The following CTXND2 variants were observed in gnomAD, a reference collection of about 807,000 sequenced individuals.
CTXND2 encodes the protein cortexin domain containing 2.
At chr1:150,891,493 G>A (rs587727366) in intron 1 of CTXND2, among the ~76,000 whole-genome samples, 111 of 152,252 alleles carry the variant, frequency 7.3e-4, no homozygotes, top group Non-Finnish European at 1.2e-3. Context: ...GATTACAGGC[G>A]TGAGCCACTG....
chr1:150,895,860 C>A (rs587709296), intron 1 of CTXND2, among the ~76,000 whole-genome samples: 1 of 152,292 alleles, frequency 6.6e-6, no homozygotes, highest in Admixed American at 6.5e-5. Context: ...GCAGCAGTAT[C>A]CAATGACAGT....
chr1:150,887,564 T>A (rs1050575294), intron 1 of CTXND2, among the ~76,000 whole-genome samples: 6 of 152,100 alleles, frequency 3.9e-5, no homozygotes, highest in African/African-American at 7.2e-5. Context: ...CCTTTTTCGT[T>A]AGAGCTTTTT....
At chr1:150,912,119 C>A (rs1234337541) in intron 1 of CTXND2, 123 bp from the exon 2 acceptor site, 6 of 384,386 alleles carry the variant, frequency 1.6e-5, no homozygotes, top group Non-Finnish European at 2.7e-5. Context: ...TTTGTAACTG[C>A]TTCTTAAGTA....
chr1:150,887,597 G>A (rs762498818), intron 1 of CTXND2, among the ~76,000 whole-genome samples: 1 of 152,090 alleles, frequency 6.6e-6, no homozygotes, highest in Non-Finnish European at 1.5e-5. Context: ...ACTTTCATCT[G>A]AGAAGGGATG....
chr1:150,909,856 C>T (rs930076606), intron 1 of CTXND2, among the ~76,000 whole-genome samples: 2 of 152,078 alleles, frequency 1.3e-5, no homozygotes, highest in African/African-American at 4.8e-5. Flanking sequence ...ATCTCCCTGA[C>T]CAACTAAAAT....
chr1:150,902,574 A>G (rs771246177), intron 1 of CTXND2, among the ~76,000 whole-genome samples: 58 of 151,990 alleles, frequency 3.8e-4, no homozygotes, highest in Non-Finnish European at 7.4e-4. Flanking sequence ...TTCATCACCT[A>G]TAGGAGGTAG....
intron 1 of CTXND2, among the ~76,000 whole-genome samples, chr1:150,910,680 C>T (rs1669239968): frequency 6.8e-6 from 1 of 147,364 alleles, no homozygotes; most frequent in Non-Finnish European, 1.5e-5. Context: ...CGCCCAGGCT[C>T]GAGTGCAGTA....
chr1:150,910,373 G>A (rs587722866), intron 1 of CTXND2, among the ~76,000 whole-genome samples: 3 of 151,804 alleles, frequency 2.0e-5, no homozygotes, highest in Non-Finnish European at 2.9e-5. Context: ...CAGGTGATCC[G>A]CCCTCCTCGG....
intron 1 of CTXND2, among the ~76,000 whole-genome samples, chr1:150,896,708 AG>A (rs1224206363): frequency 2.0e-5 from 3 of 152,168 alleles, no homozygotes; most frequent in Non-Finnish European, 4.4e-5. Context: ...CATTCAACAA[AG>A]TTTTACATAC....
At chr1:150,906,709 A>G (rs975064111) in intron 1 of CTXND2, among the ~76,000 whole-genome samples, 2 of 152,118 alleles carry the variant, frequency 1.3e-5, no homozygotes, top group African/African-American at 4.8e-5. Flanking sequence ...GCCTAGGAAG[A>G]AAATGTGGCC....
At chr1:150,900,128 C>A (rs1337310355) in intron 1 of CTXND2, among the ~76,000 whole-genome samples, 1 of 152,132 alleles carries the variant, frequency 6.6e-6, no homozygotes, top group Non-Finnish European at 1.5e-5. Context: ...AGGCTGTATT[C>A]TTTTGCTCTT....
At chr1:150,904,018 A>G in intron 1 of CTXND2, 2 of 653,026 alleles carry the variant, frequency 3.1e-6, no homozygotes, top group South Asian at 1.4e-5. Context: ...GTCAGAAGAC[A>G]GGTCAGGCTG....
In CTXND2 at chr1:150,904,870, G is replaced by C. The variant is rs142724975; in HGVS notation, c.-73-7372G>C. Reference sequence around the variant, plus strand: ...TAGTAGCAAGTTAAACTTCACTCTTGAATGCTTGTCAAACTAAGTTATAAT... The same window carrying C: ...TAGTAGCAAGTTAAACTTCACTCTTCAATGCTTGTCAAACTAAGTTATAAT... On this transcript the variant is annotated intron_variant, in intron 1 of 1. Transcript: ENST00000636087. Among the ~76,000 whole-genome samples the C allele has an allele frequency of 3.3e-5, 5 of 152,200 alleles. No individual in the cohort carries two copies. The East Asian group carries it at 9.6e-4, about 29-fold the overall frequency.
chr1:150,888,750 G>A (rs1051621525), intron 1 of CTXND2, among the ~76,000 whole-genome samples: 1 of 151,882 alleles, frequency 6.6e-6, no homozygotes, highest in African/African-American at 2.4e-5. Flanking sequence ...GAGTGCAGTG[G>A]TGCGATCATG....
chr1:150,892,528 CT>C (rs5777740), intron 1 of CTXND2, among the ~76,000 whole-genome samples: 48,517 of 123,172 alleles, frequency 0.39, 8,439 homozygotes, highest in Non-Finnish European at 0.46. Context: ...TCTTCTTCTT[CT>C]TTTTTTTTTT....
intron 1 of CTXND2, among the ~76,000 whole-genome samples, chr1:150,900,156 C>T (rs376930545): frequency 1.3e-5 from 2 of 152,144 alleles, no homozygotes; most frequent in East Asian, 3.9e-4. Context: ...AATCTTCCTG[C>T]TGCTCAGTCT....
At chr1:150,901,041 G>A (rs1368414914) in intron 1 of CTXND2, among the ~76,000 whole-genome samples, 2 of 152,158 alleles carry the variant, frequency 1.3e-5, no homozygotes, top group African/African-American at 2.4e-5. Flanking sequence ...GAGCCCAGGA[G>A]GTTGAGGCTG....
chr1:150,899,892 A>G (rs1027652739), intron 1 of CTXND2, among the ~76,000 whole-genome samples: 1 of 152,214 alleles, frequency 6.6e-6, no homozygotes, highest in South Asian at 2.1e-4. Context: ...GTCTAGCTAA[A>G]GGATTGTAAA....
intron 1 of CTXND2, among the ~76,000 whole-genome samples, chr1:150,900,586 TAC>T (rs1326195836): frequency 6.6e-6 from 1 of 152,072 alleles, no homozygotes; most frequent in Non-Finnish European, 1.5e-5. Flanking sequence ...AGGTGGAGGT[TAC>T]AGTCAGCTGA....
Sources: allele counts gnomAD v4.1 joint callset (sites outside exome capture counted in the v4.1 genomes callset), GRCh38; gene constraint gnomAD v4.1.1; transcripts MANE v1.5; gene names NCBI Gene and HGNC (gene_info 2026-07-23, HGNC 2026-07-21).